BRINP3: variants seen among roughly 807,000 people sequenced by gnomAD.
BRINP3 encodes BMP/retinoic acid-inducible neural-specific protein 3.
In BRINP3, 19 loss-of-function variants were observed where a neutral mutation model predicts 71.0. That is an observed-to-expected ratio of 0.27 (90% CI 0.19 to 0.39). BRINP3 has a LOEUF of 0.39. Ranked by LOEUF, BRINP3 falls within the 10% of genes least tolerant of loss-of-function variation. BRINP3 has a pLI of 1.00. For missense variants in BRINP3, 959 were observed against 940.8 expected, an observed-to-expected ratio of 1.02 and a Z score of -0.25; for synonymous variants, 380 against 337.7, an observed-to-expected ratio of 1.13 and a Z score of -1.37.
chr1:190,469,815 A>T (rs986452665), intron 1 of BRINP3, among the ~76,000 whole-genome samples: 23 of 151,056 alleles, frequency 1.5e-4, no homozygotes, highest in Non-Finnish European at 3.1e-4. Context: ...ATATATGCAT[A>T]AGGTATTATA....
At chr1:190,145,920 G>C (rs148014913) in intron 7 of BRINP3, among the ~76,000 whole-genome samples, 93 of 152,248 alleles carry the variant, frequency 6.1e-4, no homozygotes, top group South Asian at 3.1e-3. Flanking sequence ...GTTGGAGCTC[G>C]AGGCCATTAT....
At chr1:190,162,348 A>AC (rs1558023303) in intron 6 of BRINP3, among the ~76,000 whole-genome samples, 1 of 151,816 alleles carries the variant, frequency 6.6e-6, no homozygotes, top group African/African-American at 2.4e-5. Flanking sequence ...AGGCCCAGCT[A>AC]CTTTTTTGTA....
At chr1:190,449,849 C>A (rs1229019938) in intron 2 of BRINP3, among the ~76,000 whole-genome samples, 1 of 152,092 alleles carries the variant, frequency 6.6e-6, no homozygotes, top group East Asian at 1.9e-4. Flanking sequence ...AAGTCTATTC[C>A]TCTCCCTGTT....
intron 1 of BRINP3, among the ~76,000 whole-genome samples, chr1:190,468,194 G>A (rs947208041): frequency 1.3e-5 from 2 of 151,250 alleles, no homozygotes; most frequent in East Asian, 1.9e-4. Flanking sequence ...ATATAGGAAA[G>A]CATTTCAAAA....
chr1:190,469,935 A>AT (rs1163219906), intron 1 of BRINP3, among the ~76,000 whole-genome samples: 1 of 151,044 alleles, frequency 6.6e-6, no homozygotes, highest in Non-Finnish European at 1.5e-5. Context: ...ATTTAATCAC[A>AT]TTTTTTAGAC....
chr1:190,318,672 AT>A (rs66489947), intron 2 of BRINP3, among the ~76,000 whole-genome samples: 2,932 of 150,322 alleles, frequency 0.02, 52 homozygotes, highest in Non-Finnish European at 0.029. Flanking sequence ...TTTCACAGAG[AT>A]TTTTTTTTTC....
chr1:190,416,660 A>G (rs1185529242), intron 2 of BRINP3, among the ~76,000 whole-genome samples: 1 of 152,210 alleles, frequency 6.6e-6, no homozygotes, highest in African/African-American at 2.4e-5. Context: ...GTAAGCATTT[A>G]TTCAGCATAA....
At chr1:190,149,653 GTGTA>G (rs1214925425) in intron 7 of BRINP3, among the ~76,000 whole-genome samples, 8 of 150,526 alleles carry the variant, frequency 5.3e-5, no homozygotes, top group Admixed American at 2.0e-4. Flanking sequence ...GTGTGTGTGT[GTGTA>G]TGTGAGAGAG....
In BRINP3 at chr1:190,183,108, C is replaced by A. The variant is rs143122165; in HGVS notation, c.962-22218G>T. ...ATCAGTCTAACTTGTCACATTGAGA[C>A]TTTGCATTTTTTCTTTATTTTCAAG... On this transcript the variant is annotated intron_variant, in intron 6 of 7. Coordinates refer to ENST00000367462, the MANE Select transcript of BRINP3 (RefSeq NM_199051.3). 2.7e-4 allele frequency among the ~76,000 whole-genome samples: 41 copies of A among 152,114 alleles called. No homozygotes were observed. The East Asian group carries it at 7.8e-3, about 29-fold the overall frequency.
chr1:190,188,942 G>A (rs1022932456), intron 6 of BRINP3, among the ~76,000 whole-genome samples: 1 of 151,936 alleles, frequency 6.6e-6, no homozygotes, highest in Admixed American at 6.6e-5. Context: ...TGTATTTTTA[G>A]TGGAGATGGG....
At position 190,149,370 on chromosome 1, in the gene BRINP3, T is replaced by G. The variant is rs565054356; in HGVS notation, c.1184+11298A>C. Among the ~76,000 whole-genome samples the G allele has an allele frequency of 4.6e-5, 7 of 152,336 alleles. No individual in the cohort carries two copies. In the South Asian group the frequency reaches 1.4e-3, roughly 32 times the overall value. On this transcript the variant is annotated intron_variant, in intron 7 of 7. Coordinates refer to ENST00000367462, the MANE Select transcript of BRINP3 (RefSeq NM_199051.3). Reference sequence around the variant, plus strand: ...TTCAGCTTCATTCCTGTTTACTTTCTGCGGTTTATCTTTCAAAATATCTCT... The same window carrying G: ...TTCAGCTTCATTCCTGTTTACTTTCGGCGGTTTATCTTTCAAAATATCTCT...
At chr1:190,217,666 A>G (rs1656528119) in intron 6 of BRINP3, among the ~76,000 whole-genome samples, 1 of 152,076 alleles carries the variant, frequency 6.6e-6, no homozygotes, top group African/African-American at 2.4e-5. Context: ...ACCACTGATT[A>G]CAGCAAATAA....
At chr1:190,369,855 G>A (rs1477339958) in intron 2 of BRINP3, among the ~76,000 whole-genome samples, 1 of 151,986 alleles carries the variant, frequency 6.6e-6, no homozygotes, top group Non-Finnish European at 1.5e-5. Context: ...TTAAAATAAT[G>A]TTTAAACTAA....
intron 6 of BRINP3, 66 bp from the exon 7 acceptor site, chr1:190,160,956 T>A (rs974547537): frequency 4.5e-6 from 5 of 1,104,326 alleles, no homozygotes; most frequent in Non-Finnish European, 6.6e-6. Context: ...CACAAACACG[T>A]ATGTCAATAT....
chr1:190,155,495 C>T (rs1007976961), intron 7 of BRINP3, among the ~76,000 whole-genome samples: 1 of 152,092 alleles, frequency 6.6e-6, no homozygotes, highest in African/African-American at 2.4e-5. Flanking sequence ...ACCAACACTT[C>T]ATTAAATGTA....
At chr1:190,182,570 T>TA (rs56816636) in intron 6 of BRINP3, among the ~76,000 whole-genome samples, 1 of 151,996 alleles carries the variant, frequency 6.6e-6, no homozygotes, top group African/African-American at 2.4e-5. Context: ...TGCTTGATTT[T>TA]AAAAAAATTA....
chr1:190,292,482 C>T lies in BRINP3; in HGVS notation c.237-10732G>A, dbSNP rs940486285. Among the ~76,000 whole-genome samples the T allele has an allele frequency of 3.3e-5, 5 of 152,054 alleles. No individual in the cohort carries two copies. The South Asian group carries it at 6.2e-4, about 19-fold the overall frequency. On this transcript the variant is annotated intron_variant, in intron 2 of 7. Coordinates refer to ENST00000367462, the MANE Select transcript of BRINP3 (RefSeq NM_199051.3). ...AAGCATGGGCAACATAGCTTGCTCTCTACAAAAAAATAAAAAATAGCTTAC... is the reference window on the plus strand; with the variant it reads ...AAGCATGGGCAACATAGCTTGCTCTTTACAAAAAAATAAAAAATAGCTTAC...
intron 5 of BRINP3, among the ~76,000 whole-genome samples, chr1:190,229,427 A>G (rs1657726816): frequency 6.6e-6 from 1 of 152,008 alleles, no homozygotes; most frequent in Non-Finnish European, 1.5e-5. Flanking sequence ...GAACTGGAGT[A>G]AATTAAACCT....
At chr1:190,194,775 A>T (rs1654334162) in intron 6 of BRINP3, among the ~76,000 whole-genome samples, 1 of 152,098 alleles carries the variant, frequency 6.6e-6, no homozygotes. Context: ...ATTTAGAATG[A>T]GCAGCTTCAG....
Sources: allele counts gnomAD v4.1 joint callset (sites outside exome capture counted in the v4.1 genomes callset), GRCh38; gene constraint gnomAD v4.1.1; transcripts MANE v1.5; gene names NCBI Gene and HGNC (gene_info 2026-07-23, HGNC 2026-07-21).